Variants in TSHZ3 observed in about 807,000 individuals in gnomAD.
TSHZ3 encodes teashirt homolog 3.
TSHZ3 carries 10 observed loss-of-function variants against 64.5 expected under a neutral mutation model. The ratio of observed to expected loss-of-function variants is 0.16; its 90% CI spans 0.10 to 0.26. The LOEUF is 0.26. Among genes scored for constraint, TSHZ3 ranks in the 10% least tolerant of loss-of-function variants. TSHZ3 has a pLI of 1.00. For synonymous variants in TSHZ3, 608 were observed against 593.1 expected (o/e 1.03, Z -0.36); for missense variants, 1,242 against 1,421.7 (o/e 0.87, Z 2.03).
At chr19:31,340,624 CAGTGCGGG>C (rs1917404987) in intron 1 of TSHZ3, among the ~76,000 whole-genome samples, 1 of 152,178 alleles carries the variant, frequency 6.6e-6, no homozygotes, top group Non-Finnish European at 1.5e-5. Flanking sequence ...AGAAGGATGT[CAGTGCGGG>C]CCCTGATTAC....
rs147778001 is a variant in TSHZ3 at position 31,185,292 on chromosome 19, G to T, written n.809+19664C>A. On this transcript the variant is annotated intron_variant and non_coding_transcript_variant, in intron 5 of 6. Coordinates refer to the TSHZ3 transcript ENST00000651361. ...CAAGGCAGCCAGGGGCCAACTGAAG[G>T]CAATAAGCAAAGGCAACTTCTCCCT... Among the ~76,000 whole-genome samples the T allele has an allele frequency of 1.7e-3, 255 of 152,282 alleles. 1 individual carries two copies. The highest frequency in any genetic ancestry group is 5.8e-3 in the African/African-American group (241 of 41,564).
intron 1 of TSHZ3, among the ~76,000 whole-genome samples, chr19:31,330,767 G>A (rs1351777007): frequency 2.6e-5 from 4 of 151,804 alleles, no homozygotes; most frequent in Non-Finnish European, 5.9e-5. Context: ...CTGAGAAGGC[G>A]ACCCCAGACC....
chr19:31,236,352 T>C lies in TSHZ3; in HGVS notation n.550+5917A>G, dbSNP rs80083277. Among the ~76,000 whole-genome samples, 921 of 152,288 alleles carry C rather than the reference T, an allele frequency of 6.0e-3. 12 individuals carry two copies. Among genetic ancestry groups the C allele is most frequent in the African/African-American group, 0.021 (880 of 41,558 alleles). On this transcript the variant is annotated intron_variant and non_coding_transcript_variant, in intron 3 of 6. Coordinates refer to the TSHZ3 transcript ENST00000651361. ...CATTGTAACAAAGTGTCAGGTGATATCTCATTGTGGTTTTAGTTTGCATTT... is the reference window on the plus strand; with the variant it reads ...CATTGTAACAAAGTGTCAGGTGATACCTCATTGTGGTTTTAGTTTGCATTT...
chr19:31,158,263 GACAATAGAGAAAAA>G (rs1365210821), intron 5 of TSHZ3, among the ~76,000 whole-genome samples: 1 of 152,084 alleles, frequency 6.6e-6, no homozygotes, highest in Non-Finnish European at 1.5e-5. Context: ...GGATCTCAAG[GACAATAGAGAAAAA>G]AATATATGTA....
In TSHZ3 at chr19:31,238,535, C is replaced by T. The variant is rs911868006; in HGVS notation, n.550+3734G>A. 3.9e-5 allele frequency among the ~76,000 whole-genome samples: 6 copies of T among 152,162 alleles called. No individual in the cohort carries two copies. The East Asian group carries it at 5.8e-4, about 15-fold the overall frequency. ...CCTCCCAAATTGCTGGGATTACAGG[C>T]GTGAGCCATTGTGCCCGGCTATGAA... On this transcript the variant is annotated intron_variant and non_coding_transcript_variant, in intron 3 of 6. Coordinates refer to the TSHZ3 transcript ENST00000651361.
At chr19:31,222,694 G>A (rs142495465) in intron 4 of TSHZ3, among the ~76,000 whole-genome samples, 94 of 152,300 alleles carry the variant, frequency 6.2e-4, no homozygotes, top group Non-Finnish European at 9.3e-4. Flanking sequence ...GGAGGTACTC[G>A]GAAAATATTT....
At chr19:31,228,021 C>A (rs1975491933) in exon 4 of TSHZ3, among the ~76,000 whole-genome samples, 1 of 152,192 alleles carries the variant, frequency 6.6e-6, no homozygotes. Context: ...AACTCAACAG[C>A]CTCCCAGTGG....
At chr19:31,341,996 T>C (rs1206435155) in intron 1 of TSHZ3, among the ~76,000 whole-genome samples, 2 of 152,204 alleles carry the variant, frequency 1.3e-5, no homozygotes, top group Non-Finnish European at 2.9e-5. Context: ...CTGTCACCTA[T>C]GACCAAAAAT....
At chr19:31,320,585 G>A (rs1014809942) in intron 1 of TSHZ3, among the ~76,000 whole-genome samples, 5 of 152,156 alleles carry the variant, frequency 3.3e-5, no homozygotes, top group African/African-American at 9.7e-5. Flanking sequence ...TCCTTCTCGG[G>A]AGAAGGGACA....
rs547604048 is a variant in TSHZ3 at position 31,283,596 on chromosome 19, T to C, written c.41-3844A>G. Among the ~76,000 whole-genome samples the C allele has an allele frequency of 3.9e-5, 6 of 152,326 alleles. No individual in the cohort carries two copies. The South Asian group carries it at 1.2e-3, about 32-fold the overall frequency. The stretch of plus-strand genomic sequence containing the variant: ...TTCTCTAGGCCTCTATTTCCTTCTT[T>C]GAATGATACGGGGCACTTGGGTAAT... On this transcript the variant is annotated intron_variant, in intron 1 of 1. Coordinates refer to ENST00000240587, the MANE Select transcript of TSHZ3 (RefSeq NM_020856.4).
At chr19:31,271,691 G>T (rs1408482938), downstream of TSHZ3, among the ~76,000 whole-genome samples, 1 of 152,186 alleles carries the variant, frequency 6.6e-6, no homozygotes, top group Non-Finnish European at 1.5e-5. Context: ...AATGCTGAAA[G>T]GCATCCACCA....
chr19:31,306,659 C>A (rs969685286), intron 1 of TSHZ3, among the ~76,000 whole-genome samples: 2 of 152,092 alleles, frequency 1.3e-5, no homozygotes, highest in Admixed American at 6.6e-5. Flanking sequence ...CCATTACCTG[C>A]CATTTTTTAT....
intron 3 of TSHZ3, among the ~76,000 whole-genome samples, chr19:31,229,557 G>A (rs1423203336): frequency 2.0e-5 from 3 of 152,190 alleles, no homozygotes; most frequent in African/African-American, 7.2e-5. Flanking sequence ...ATAGGTGCAT[G>A]TTTATCTGAT....
At chr19:31,348,186 G>T (rs999505382) in intron 1 of TSHZ3, among the ~76,000 whole-genome samples, 1 of 152,120 alleles carries the variant, frequency 6.6e-6, no homozygotes, top group African/African-American at 2.4e-5. Context: ...CCCTCCTGAC[G>T]TCACAGAGCT....
At chr19:31,271,590 A>C (rs963130739), downstream of TSHZ3, among the ~76,000 whole-genome samples, 1 of 152,190 alleles carries the variant, frequency 6.6e-6, no homozygotes, top group Admixed American at 6.5e-5. Context: ...TCCAGAGCTA[A>C]CTATAGTGTA....
intron 5 of TSHZ3, among the ~76,000 whole-genome samples, chr19:31,183,732 G>A (rs1438758037): frequency 1.3e-5 from 2 of 152,234 alleles, no homozygotes; most frequent in East Asian, 3.9e-4. Context: ...GGGAGCTGAT[G>A]TTTCCACCTC....
chr19:31,227,879 C>T (rs1462267844), intron 4 of TSHZ3, among the ~76,000 whole-genome samples: 2 of 152,170 alleles, frequency 1.3e-5, no homozygotes, highest in African/African-American at 4.8e-5. Context: ...TCTTGGACAT[C>T]TTCCCTTCTC....
intron 5 of TSHZ3, among the ~76,000 whole-genome samples, chr19:31,197,087 G>T (rs1288576751): frequency 3.3e-5 from 5 of 151,848 alleles, no homozygotes; most frequent in Non-Finnish European, 7.4e-5. Flanking sequence ...GCAAATTAAA[G>T]AAAATAGAAA....
At chr19:31,295,154 C>T (rs562886749) in intron 1 of TSHZ3, among the ~76,000 whole-genome samples, 305 of 152,248 alleles carry the variant, frequency 2.0e-3, no homozygotes, top group Non-Finnish European at 3.4e-3. Flanking sequence ...CTCACAAGGA[C>T]GATAAGACAG....
Sources: allele counts gnomAD v4.1 joint callset (sites outside exome capture counted in the v4.1 genomes callset), GRCh38; gene constraint gnomAD v4.1.1; transcripts MANE v1.5; gene names NCBI Gene and HGNC (gene_info 2026-07-23, HGNC 2026-07-21).